The following ERC2 variants were observed in gnomAD, a reference collection of about 807,000 sequenced individuals.
ERC2 encodes ERC protein 2.
A neutral mutation model predicts 114.8 loss-of-function variants in ERC2; 42 were observed. The observed-to-expected ratio is 0.37, with a 90% CI of 0.29 to 0.47. The LOEUF is 0.47. Among genes scored for constraint, ERC2 ranks in the 20% least tolerant of loss-of-function variants. ERC2 has a pLI of 0.99. For synonymous variants in ERC2, 454 were observed against 425.5 expected (o/e 1.07, Z -0.82); for missense variants, 939 against 1,150.7 (o/e 0.82, Z 2.66).
chr3:55,953,097 C>T (rs544989215), intron 12 of ERC2, among the ~76,000 whole-genome samples: 3 of 151,586 alleles, frequency 2.0e-5, no homozygotes, highest in Admixed American at 6.6e-5. Flanking sequence ...CCCAGGTACT[C>T]GGGAGGCTGA....
intron 7 of ERC2, among the ~76,000 whole-genome samples, chr3:56,068,248 C>T (rs565189090): frequency 6.6e-6 from 1 of 152,230 alleles, no homozygotes; most frequent in South Asian, 2.1e-4. Flanking sequence ...GATTTGACTT[C>T]TTCCTGGTTT....
chr3:56,077,867 T>G (rs956176553), intron 7 of ERC2, among the ~76,000 whole-genome samples: 1 of 152,188 alleles, frequency 6.6e-6, no homozygotes, highest in African/African-American at 2.4e-5. Flanking sequence ...GATTAATAAT[T>G]GTGCCCATCT....
chr3:56,187,368 A>G (rs997842540), intron 3 of ERC2, among the ~76,000 whole-genome samples: 1 of 152,232 alleles, frequency 6.6e-6, no homozygotes, highest in Non-Finnish European at 1.5e-5. Context: ...AGCATCTGTT[A>G]CAATCTACGA....
chr3:56,282,479 TC>T (rs2150324529), intron 3 of ERC2, among the ~76,000 whole-genome samples: 1 of 152,318 alleles, frequency 6.6e-6, no homozygotes, highest in East Asian at 1.9e-4. Flanking sequence ...ATTTTGACTT[TC>T]TACAAAACAA....
intron 13 of ERC2, among the ~76,000 whole-genome samples, chr3:55,936,888 T>C (rs538725176): frequency 2.0e-5 from 3 of 152,316 alleles, no homozygotes; most frequent in East Asian, 3.9e-4. Flanking sequence ...CTGTGCCGGA[T>C]GCTGTTTTCT....
At chr3:56,283,820 G>A (rs17235494) in intron 3 of ERC2, among the ~76,000 whole-genome samples, 52,900 of 151,982 alleles carry the variant, frequency 0.35, 10,082 homozygotes, top group Middle Eastern at 0.44. Context: ...AAGCGGCACA[G>A]ATAAACCTAA....
At chr3:56,454,607 G>A (rs1333880167) in intron 1 of ERC2, among the ~76,000 whole-genome samples, 1 of 152,100 alleles carries the variant, frequency 6.6e-6, no homozygotes, top group Non-Finnish European at 1.5e-5. Flanking sequence ...AAAAAGAAAT[G>A]AGGAGGCCAA....
At chr3:56,305,730 A>G (rs974932912) in intron 2 of ERC2, among the ~76,000 whole-genome samples, 1 of 152,252 alleles carries the variant, frequency 6.6e-6, no homozygotes, top group African/African-American at 2.4e-5. Context: ...TGAATTTGCC[A>G]TACCTGAAGC....
At chr3:56,016,714 C>A (rs2073336994) in intron 8 of ERC2, among the ~76,000 whole-genome samples, 1 of 152,080 alleles carries the variant, frequency 6.6e-6, no homozygotes, top group South Asian at 2.1e-4. Context: ...AACCCATGGG[C>A]ATTTAATCTA....
intron 14 of ERC2, among the ~76,000 whole-genome samples, chr3:55,858,457 T>C (rs2061883458): frequency 6.6e-6 from 1 of 152,214 alleles, no homozygotes; most frequent in African/African-American, 2.4e-5. Flanking sequence ...CAATGTGTGA[T>C]CTACATGACT....
intron 3 of ERC2, among the ~76,000 whole-genome samples, chr3:56,238,740 T>C (rs565127698): frequency 6.6e-6 from 1 of 152,288 alleles, no homozygotes; most frequent in Non-Finnish European, 1.5e-5. Context: ...TCTAGTTCCT[T>C]CTCTAAAAAT....
At chr3:56,407,040 A>C (rs974614253) in intron 2 of ERC2, among the ~76,000 whole-genome samples, 1 of 152,170 alleles carries the variant, frequency 6.6e-6, no homozygotes, top group African/African-American at 2.4e-5. Context: ...CTGGAAAATT[A>C]AGACAGACAG....
At chr3:56,219,316 T>A (rs751628246) in intron 3 of ERC2, among the ~76,000 whole-genome samples, 25 of 152,142 alleles carry the variant, frequency 1.6e-4, no homozygotes, top group Non-Finnish European at 3.1e-4. Context: ...ATAAAATTTT[T>A]CTTCTTAGGT....
At chr3:55,622,067 G>A (rs2059351723) in intron 17 of ERC2, among the ~76,000 whole-genome samples, 1 of 152,198 alleles carries the variant, frequency 6.6e-6, no homozygotes, top group African/African-American at 2.4e-5. Context: ...ATCCGAATCT[G>A]TTTGCTTCGT....
At chr3:56,041,360 T>A (rs954539591) in intron 7 of ERC2, among the ~76,000 whole-genome samples, 4 of 152,110 alleles carry the variant, frequency 2.6e-5, no homozygotes, top group Admixed American at 2.0e-4. Flanking sequence ...ACCAGCAGTT[T>A]GGGGCTGGTG....
rs571031805 is a variant in ERC2 at position 55,690,890 on chromosome 3, G to GC, written c.2848-7032dup. ...TGACAATAACCTGCTCATCTGCAAA[G>GC]CCAGCTTCCCAACTGCTGCGTAACT... On this transcript the variant is annotated intron_variant, in intron 16 of 17. Transcript: ENST00000288221. Among the ~76,000 whole-genome samples the GC allele has an allele frequency of 4.0e-4, 61 of 152,312 alleles. 1 individual carries two copies. The highest frequency in any genetic ancestry group is 1.0e-3 in the Admixed American group (16 of 15,306).
chr3:56,184,206 G>C (rs531865769), intron 3 of ERC2, among the ~76,000 whole-genome samples: 1 of 151,988 alleles, frequency 6.6e-6, no homozygotes, highest in South Asian at 2.1e-4. Flanking sequence ...GAAATTAATA[G>C]AATGAAATTC....
intron 5 of ERC2, among the ~76,000 whole-genome samples, chr3:56,143,582 C>T (rs1201048272): frequency 6.6e-6 from 1 of 152,170 alleles, no homozygotes; most frequent in Non-Finnish European, 1.5e-5. Context: ...TGCCTTCCAC[C>T]ATGATTGTGA....
At chr3:55,664,002 T>A (rs561600737) in intron 17 of ERC2, among the ~76,000 whole-genome samples, 1 of 152,226 alleles carries the variant, frequency 6.6e-6, no homozygotes, top group African/African-American at 2.4e-5. Flanking sequence ...CTCAGCCTTA[T>A]ACTTTCATCA....
Sources: gnomAD v4.1 joint callset for allele counts (sites outside exome capture counted in the v4.1 genomes callset) on GRCh38, gnomAD v4.1.1 for gene constraint, MANE v1.5 for transcripts, NCBI Gene and HGNC (gene_info 2026-07-23, HGNC 2026-07-21) for gene names.